The following RBFOX1 variants were observed in gnomAD, a reference collection of about 807,000 sequenced individuals.
RBFOX1 encodes the protein RNA binding protein fox-1 homolog 1.
RBFOX1 carries 8 observed loss-of-function variants against 57.7 expected under a neutral mutation model. That is an observed-to-expected ratio of 0.14 (90% CI 0.08 to 0.25). The LOEUF (loss-of-function observed/expected upper bound fraction) is 0.25. Ranked by LOEUF, RBFOX1 falls within the 10% of genes least tolerant of loss-of-function variation. RBFOX1 has a pLI of 1.00. For missense variants in RBFOX1, 611 were observed against 548.5 expected, an observed-to-expected ratio of 1.11 and a Z score of -1.14; for synonymous variants, 326 against 222.4, an observed-to-expected ratio of 1.47 and a Z score of -4.15.
chr16:7,009,531 AT>A (rs2093546301), intron 3 of RBFOX1, among the ~76,000 whole-genome samples: 1 of 152,098 alleles, frequency 6.6e-6, no homozygotes, highest in Admixed American at 6.5e-5. Flanking sequence ...TAATTGTGAA[AT>A]GGAAGGGATG....
At chr16:7,354,811 T>C (rs1055576412) in intron 4 of RBFOX1, among the ~76,000 whole-genome samples, 2 of 152,094 alleles carry the variant, frequency 1.3e-5, no homozygotes, top group African/African-American at 4.8e-5. Flanking sequence ...CTACATGTGG[T>C]TTGTGTTGGT....
At chr16:6,685,860 C>T (rs538628878) in intron 3 of RBFOX1, among the ~76,000 whole-genome samples, 3 of 152,158 alleles carry the variant, frequency 2.0e-5, no homozygotes, top group African/African-American at 7.2e-5. Context: ...ATATTTCTGT[C>T]TTAAAGCCAC....
chr16:7,414,310 T>C (rs2098458594), intron 4 of RBFOX1, among the ~76,000 whole-genome samples: 1 of 152,150 alleles, frequency 6.6e-6, no homozygotes, highest in South Asian at 2.1e-4. Context: ...ACTGGCCAGG[T>C]TATGGGAAGT....
chr16:6,569,763 T>C (rs1419147102), intron 2 of RBFOX1, among the ~76,000 whole-genome samples: 2 of 152,196 alleles, frequency 1.3e-5, no homozygotes, highest in Non-Finnish European at 2.9e-5. Context: ...AACCCAAGCA[T>C]ACCTTCCTGA....
chr16:7,204,635 G>C (rs2089522070), intron 4 of RBFOX1, among the ~76,000 whole-genome samples: 1 of 152,162 alleles, frequency 6.6e-6, no homozygotes. Context: ...AACAGAACAA[G>C]ACTGTGTCTT....
intron 2 of RBFOX1, among the ~76,000 whole-genome samples, chr16:5,501,876 C>T (rs2043209544): frequency 6.6e-6 from 1 of 151,944 alleles, no homozygotes; most frequent in East Asian, 1.9e-4. Flanking sequence ...TTACCATGCC[C>T]AGCTAATTTT....
chr16:5,856,575 G>GTGTGTATATATATATATA (rs1192496608), intron 3 of RBFOX1, among the ~76,000 whole-genome samples: 3 of 32,926 alleles, frequency 9.1e-5, no homozygotes, highest in African/African-American at 2.5e-4. Flanking sequence ...GTGTGTGTGT[G>GTGTGTATATATATATATA]TATATATATA....
At chr16:7,028,599 CACACACACACAAAAAA>C (rs1466011700) in intron 3 of RBFOX1, among the ~76,000 whole-genome samples, 3 of 30,640 alleles carry the variant, frequency 9.8e-5, no homozygotes, top group African/African-American at 5.4e-4. Flanking sequence ...CACACACACA[CACACACACACAAAAAA>C]AAAAAAAAAA....
chr16:5,806,371 G>C (rs989747206), intron 3 of RBFOX1, among the ~76,000 whole-genome samples: 2 of 152,176 alleles, frequency 1.3e-5, no homozygotes, highest in East Asian at 1.9e-4. Context: ...GGGCCAAAAA[G>C]GGTAACAGGG....
At chr16:7,191,143 A>T (rs180705177) in intron 4 of RBFOX1, among the ~76,000 whole-genome samples, 1 of 152,068 alleles carries the variant, frequency 6.6e-6, no homozygotes, top group Non-Finnish European at 1.5e-5. Flanking sequence ...TCACCATCAT[A>T]CTTTATAGTT....
intron 3 of RBFOX1, among the ~76,000 whole-genome samples, chr16:6,761,662 A>T (rs2076624170): frequency 2.0e-5 from 3 of 151,694 alleles, no homozygotes; most frequent in African/African-American, 7.3e-5. Context: ...GCTCGCCACC[A>T]TGCCTGGCTA....
chr16:7,143,733 A>G (rs997104822), intron 4 of RBFOX1, among the ~76,000 whole-genome samples: 6 of 151,948 alleles, frequency 3.9e-5, no homozygotes, highest in Non-Finnish European at 8.8e-5. Context: ...ACATTCATCC[A>G]TGGGTTTATT....
intron 3 of RBFOX1, among the ~76,000 whole-genome samples, chr16:6,803,792 T>C (rs1223154451): frequency 6.6e-6 from 1 of 152,030 alleles, no homozygotes; most frequent in African/African-American, 2.4e-5. Flanking sequence ...GAATGTTCGT[T>C]AGAGAGTTGT....
chr16:7,614,835 A>G (rs2058160790), intron 10 of RBFOX1: 1 of 152,236 alleles, frequency 6.6e-6, no homozygotes. Context: ...TCATGATCAA[A>G]TTATGAAGTC....
At chr16:6,119,105 C>A (rs2096529354) in intron 1 of RBFOX1, among the ~76,000 whole-genome samples, 1 of 151,100 alleles carries the variant, frequency 6.6e-6, no homozygotes, top group Non-Finnish European at 1.5e-5. Context: ...GTCCGAGTGT[C>A]AGTTTCCACA....
chr16:7,597,690 T>A (rs1011973722), intron 9 of RBFOX1, among the ~76,000 whole-genome samples: 1 of 152,232 alleles, frequency 6.6e-6, no homozygotes, highest in African/African-American at 2.4e-5. Flanking sequence ...ATGCACTAAT[T>A]ATTTGGAAAT....
intron 4 of RBFOX1, among the ~76,000 whole-genome samples, chr16:7,168,194 G>C (rs184056386): frequency 6.6e-6 from 1 of 152,298 alleles, no homozygotes; most frequent in Non-Finnish European, 1.5e-5. Context: ...CAGCAGCTTT[G>C]TATTAAAATG....
At chr16:7,017,761 A>C (rs935123655) in intron 3 of RBFOX1, among the ~76,000 whole-genome samples, 17 of 152,084 alleles carry the variant, frequency 1.1e-4, no homozygotes, top group African/African-American at 3.6e-4. Flanking sequence ...CCAAACAAAC[A>C]CTGATGAATT....
At chr16:6,412,623 A>T (rs759582221) in intron 2 of RBFOX1, among the ~76,000 whole-genome samples, 6 of 152,260 alleles carry the variant, frequency 3.9e-5, no homozygotes, top group Non-Finnish European at 7.3e-5. Flanking sequence ...ATGCACCTGC[A>T]ATAATAAGCA....
Sources: gnomAD v4.1 joint callset for allele counts (sites outside exome capture counted in the v4.1 genomes callset) on GRCh38, gnomAD v4.1.1 for gene constraint, MANE v1.5 for transcripts, NCBI Gene and HGNC (gene_info 2026-07-23, HGNC 2026-07-21) for gene names.